Variants in LTBP1 observed in about 807,000 individuals in gnomAD.
The protein encoded by LTBP1 is latent-transforming growth factor beta-binding protein 1.
In LTBP1, 129 loss-of-function variants were observed where a neutral mutation model predicts 207.6. The observed-to-expected ratio is 0.62, with a 90% CI of 0.54 to 0.72. LTBP1 has a LOEUF of 0.72. Ranked by LOEUF, LTBP1 falls within the 30% of genes least tolerant of loss-of-function variation. The probability of loss-of-function intolerance (pLI) is 0.00; values close to 1 mark genes in which losing one functional copy is unlikely to be tolerated. For synonymous variants in LTBP1, 963 were observed against 833.7 expected (o/e 1.16, Z -2.67); for missense variants, 2,281 against 2,217.2 (o/e 1.03, Z -0.58).
At chr2:33,377,645 A>G (rs1236679885) in intron 31 of LTBP1, among the ~76,000 whole-genome samples, 1 of 152,254 alleles carries the variant, frequency 6.6e-6, no homozygotes, top group East Asian at 1.9e-4. Flanking sequence ...AAATTCAGGC[A>G]TGCATGTAAA....
At chr2:33,201,143 C>A (rs1393692166) in intron 7 of LTBP1, among the ~76,000 whole-genome samples, 7 of 152,056 alleles carry the variant, frequency 4.6e-5, no homozygotes, top group Non-Finnish European at 5.9e-5. Flanking sequence ...ACCCAAAGGA[C>A]TATAAATCAT....
At chr2:33,017,145 G>A (rs1688496506) in intron 2 of LTBP1, among the ~76,000 whole-genome samples, 1 of 152,242 alleles carries the variant, frequency 6.6e-6, no homozygotes, top group African/African-American at 2.4e-5. Flanking sequence ...CCATGAAGTA[G>A]ATGGGGACAA....
rs768169280 is a variant in LTBP1 at position 33,002,026 on chromosome 2, C to T, written c.566-18883C>T. 5.9e-5 allele frequency among the ~76,000 whole-genome samples: 8 copies of T among 134,644 alleles called. 2 individuals carry two copies. Among genetic ancestry groups the T allele is most frequent in the African/African-American group, 1.6e-4 (6 of 38,492 alleles). 88.3% of individuals were successfully genotyped at this position (134,644 alleles called of 152,430 possible). A position where few individuals can be genotyped will look rare whatever the true frequency, so the allele number is the denominator to read the frequency against. On this transcript the variant is annotated intron_variant, in intron 2 of 33. Coordinates refer to ENST00000404816, the MANE Select transcript of LTBP1 (RefSeq NM_206943.4). The stretch of plus-strand genomic sequence containing the variant: ...AGCAAACACATGCTCATGGTCACTG[C>T]TGTCTAGGTCAGAGGCCTTCAAAGC...
At chr2:32,970,263 G>A (rs1275826917) in intron 2 of LTBP1, among the ~76,000 whole-genome samples, 1 of 152,130 alleles carries the variant, frequency 6.6e-6, no homozygotes, top group Non-Finnish European at 1.5e-5. Context: ...AAGCTCTTTA[G>A]TTTAATTAGG....
At chr2:33,316,121 A>C (rs930743306) in intron 24 of LTBP1, among the ~76,000 whole-genome samples, 10 of 151,928 alleles carry the variant, frequency 6.6e-5, no homozygotes, top group African/African-American at 2.4e-4. Flanking sequence ...TCCTACTTAC[A>C]ACCTCTGTAT....
chr2:33,092,197 GCA>G (rs908762240), intron 3 of LTBP1, among the ~76,000 whole-genome samples: 6 of 150,708 alleles, frequency 4.0e-5, no homozygotes, highest in African/African-American at 9.7e-5. Context: ...ACACACACGC[GCA>G]CACACACACA....
chr2:33,263,389 A>G lies in LTBP1; in HGVS notation c.2614A>G (p.Thr872Ala), dbSNP rs1469205646. 1.9e-6 allele frequency: 3 copies of G among 1,612,334 alleles called. No individual in the cohort carries two copies. The highest frequency in any genetic ancestry group is 2.5e-6 in the Non-Finnish European group (3 of 1,178,796). ...ASQVIAPTQV[T>A]EINECTVNPD... ...CCAAGTGATTGCTCCTACTCAAGTG[A>G]CAGGTTGGTGCAGTATTTTTACATT... The change falls in exon 15 of 34, where the codon ACA (threonine) becomes GCA (alanine). Residue 872 changes from threonine (T) to alanine (A), a missense_variant. Coordinates refer to ENST00000404816, the MANE Select transcript of LTBP1 (RefSeq NM_206943.4).
intron 10 of LTBP1, among the ~76,000 whole-genome samples, chr2:33,247,740 C>T (rs2092557093): frequency 6.6e-6 from 1 of 152,206 alleles, no homozygotes; most frequent in Admixed American, 6.5e-5. Flanking sequence ...CATGTATGGC[C>T]TGTGTAACTG....
At chr2:33,199,570 A>G (rs1022846065) in intron 7 of LTBP1, among the ~76,000 whole-genome samples, 1 of 152,218 alleles carries the variant, frequency 6.6e-6, no homozygotes, top group African/African-American at 2.4e-5. Flanking sequence ...GGCACAAGAC[A>G]GGGATGCCCT....
intron 18 of LTBP1, among the ~76,000 whole-genome samples, chr2:33,278,419 C>A (rs866833355): frequency 6.6e-6 from 1 of 152,142 alleles, no homozygotes; most frequent in Non-Finnish European, 1.5e-5. Flanking sequence ...TAGAACCAAA[C>A]GTCCCCGGGC....
At chr2:33,279,797 A>G (rs919108634) in intron 18 of LTBP1, among the ~76,000 whole-genome samples, 2 of 152,204 alleles carry the variant, frequency 1.3e-5, no homozygotes, top group African/African-American at 2.4e-5. Context: ...AGGTCCTGCT[A>G]GTTGAAGAAT....
intron 9 of LTBP1, among the ~76,000 whole-genome samples, chr2:33,241,743 T>A (rs552259006): frequency 6.6e-6 from 1 of 152,220 alleles, no homozygotes; most frequent in South Asian, 2.1e-4. Context: ...ACTGGCTGGT[T>A]ACCCAAACTT....
At chr2:33,197,790 T>G (rs1024529318) in intron 7 of LTBP1, among the ~76,000 whole-genome samples, 4 of 152,200 alleles carry the variant, frequency 2.6e-5, no homozygotes, top group African/African-American at 9.6e-5. Flanking sequence ...GCTTCCATGC[T>G]GAACCTGCCC....
intron 4 of LTBP1, among the ~76,000 whole-genome samples, chr2:33,133,120 G>A (rs764046246): frequency 8.5e-5 from 13 of 152,132 alleles, no homozygotes; most frequent in East Asian, 1.9e-4. Flanking sequence ...AGATGGTTGC[G>A]TTAGAAAACC....
rs140414034 is a variant in LTBP1 at position 33,252,627 on chromosome 2, A to G, written c.2000-50A>G. 1.7e-4 allele frequency: 263 copies of G among 1,523,906 alleles called. No homozygotes were observed. The African/African-American group carries it at 2.5e-3, about 14-fold the overall frequency. The allele number at this position is 1,523,906 out of a possible 1,614,324, so 94.4% of individuals were successfully genotyped here. ...CATTTTACTATCATTTGGAAAGCCAATGTAGTTTTGGTTTCTCATGTAATG... is the reference window on the plus strand; with the variant it reads ...CATTTTACTATCATTTGGAAAGCCAGTGTAGTTTTGGTTTCTCATGTAATG... On this transcript the variant is annotated intron_variant, in intron 10 of 33. Transcript: ENST00000404816.
At chr2:32,957,693 T>TG (rs370046177) in intron 2 of LTBP1, among the ~76,000 whole-genome samples, 199 of 152,290 alleles carry the variant, frequency 1.3e-3, no homozygotes, top group African/African-American at 4.6e-3. Flanking sequence ...AGTGAGCACT[T>TG]GCTGTTGGGA....
chr2:33,202,022 A>AACACACACAC (rs10558832), intron 7 of LTBP1, among the ~76,000 whole-genome samples: 13,283 of 140,468 alleles, frequency 0.095, 681 homozygotes, highest in East Asian at 0.14. Context: ...TTAGCACTGG[A>AACACACACAC]ACACACACAC....
chr2:33,153,063 T>C (rs2083668048), intron 5 of LTBP1, among the ~76,000 whole-genome samples: 1 of 152,224 alleles, frequency 6.6e-6, no homozygotes, highest in Non-Finnish European at 1.5e-5. Context: ...CAGAGAATGC[T>C]AGAGTGTAAA....
At chr2:33,105,402 A>G (rs960499508) in intron 3 of LTBP1, among the ~76,000 whole-genome samples, 2 of 152,108 alleles carry the variant, frequency 1.3e-5, no homozygotes, top group African/African-American at 4.8e-5. Context: ...CGAAAATGCT[A>G]ATGATCATCT....
Sources: gnomAD v4.1 joint callset for allele counts (sites outside exome capture counted in the v4.1 genomes callset) on GRCh38, gnomAD v4.1.1 for gene constraint, MANE v1.5 for transcripts, NCBI Gene and HGNC (gene_info 2026-07-23, HGNC 2026-07-21) for gene names.